Variants in OXNAD1 observed in about 807,000 individuals in gnomAD.
OXNAD1 encodes the protein oxidoreductase NAD-binding domain-containing protein 1.
A neutral mutation model predicts 32.9 loss-of-function variants in OXNAD1; 34 were observed. The ratio of observed to expected loss-of-function variants is 1.03; its 90% CI spans 0.79 to 1.38. OXNAD1 has a LOEUF of 1.38. Among genes scored for constraint, OXNAD1 ranks in the 40% most tolerant of loss-of-function variants. OXNAD1 has a pLI of 0.00. For missense variants in OXNAD1, 407 were observed against 379.4 expected, an observed-to-expected ratio of 1.07 and a Z score of -0.60; for synonymous variants, 134 against 135.2, an observed-to-expected ratio of 0.99 and a Z score of 0.06.
chr3:16,283,275 T>C (rs1353009497), intron 4 of OXNAD1, among the ~76,000 whole-genome samples: 2 of 152,170 alleles, frequency 1.3e-5, no homozygotes, highest in Non-Finnish European at 2.9e-5. Context: ...GCTCAATAAG[T>C]GTTCGTGGAA....
At chr3:16,328,307 G>A (rs983299276) in intron 9 of OXNAD1, among the ~76,000 whole-genome samples, 8 of 152,204 alleles carry the variant, frequency 5.3e-5, no homozygotes, top group African/African-American at 1.4e-4. Flanking sequence ...CAGAGGCAGC[G>A]CGCGTGACCA....
rs550514462 is a variant in OXNAD1 at position 16,334,777 on chromosome 3, G to A, written c.*31-2335G>A. ...GCCTGTGAAAATGTTCCCTTCGCAT[G>A]GTAAAGGGATGTGGCAGATATGATT... On this transcript the variant is annotated intron_variant, in intron 9 of 9. Transcript: ENST00000435829. This position sits in a 1 kb window ranked among gnomAD's most constrained non-coding sequence, Gnocchi z 4.3. Among the ~76,000 whole-genome samples the A allele has an allele frequency of 7.2e-5, 11 of 152,324 alleles. No homozygotes were observed. Among genetic ancestry groups the A allele is most frequent in the Non-Finnish European group, 1.5e-4 (10 of 68,030 alleles).
chr3:16,299,827 GT>G lies in OXNAD1; in HGVS notation c.433-1793del, dbSNP rs1342984143. ...ACAAGTTTCTTTATTCCTAGAATCTGTTTTTTAGTGACAGGGAAGAAGGAAG... is the reference window on the plus strand; with the variant it reads ...ACAAGTTTCTTTATTCCTAGAATCTGTTTTTAGTGACAGGGAAGAAGGAAG... On this transcript the variant is annotated intron_variant, in intron 6 of 8. Transcript: ENST00000285083. This position sits in a 1 kb window ranked among gnomAD's most constrained non-coding sequence, Gnocchi z 4.4. Among the ~76,000 whole-genome samples the G allele has an allele frequency of 6.6e-6, 1 of 152,182 alleles. No individual in the cohort carries two copies. The highest frequency in any genetic ancestry group is 1.5e-5 in the Non-Finnish European group (1 of 68,022).
At chr3:16,324,603 A>C (rs2069470543) in intron 9 of OXNAD1, among the ~76,000 whole-genome samples, 1 of 127,410 alleles carries the variant, frequency 7.8e-6, no homozygotes, top group Non-Finnish European at 1.6e-5. Context: ...TAAATAACAG[A>C]ATGTCCCTGA....
At position 16,301,187 on chromosome 3, in the gene OXNAD1, C is replaced by T. The variant is rs1575146876; in HGVS notation, c.433-439C>T. 2.6e-5 allele frequency among the ~76,000 whole-genome samples: 4 copies of T among 152,188 alleles called. No homozygotes were observed. In the East Asian group the frequency reaches 7.7e-4, roughly 29 times the overall value. On this transcript the variant is annotated intron_variant, in intron 6 of 8. Coordinates refer to ENST00000285083, the MANE Select transcript of OXNAD1 (RefSeq NM_138381.5). This position sits in a 1 kb window ranked among gnomAD's most constrained non-coding sequence, Gnocchi z 4.1. ...AGCACCAGTACTTACACTTTTCAGC[C>T]TTGATGAACCCAGGGCAGGCAGTCT... is the stretch of plus-strand genomic sequence containing the variant.
At position 16,345,786 on chromosome 3, in the gene OXNAD1, C is replaced by CTGTG. The variant is rs1553726059; in HGVS notation, c.*31-3389_*31-3388insGTGT. Among the ~76,000 whole-genome samples the CTGTG allele has an allele frequency of 2.9e-4, 24 of 81,626 alleles. No homozygotes were observed. Among genetic ancestry groups the CTGTG allele is most frequent in the African/African-American group, 1.2e-3 (22 of 18,562 alleles). The allele number at this position is 81,626 out of a possible 152,430, so 53.5% of individuals were successfully genotyped here. ...CATGAGCCAAAACCTTATAATAAAT[C>CTGTG]TCTGTGTGTGTGTGTGTGTGTGTGT... On this transcript the variant is annotated intron_variant, in intron 9 of 9. Coordinates refer to the OXNAD1 transcript ENST00000606098. This position sits in a 1 kb window ranked among gnomAD's most constrained non-coding sequence, Gnocchi z 5.2.
chr3:16,340,366 GT>G (rs2071239367), downstream of OXNAD1, among the ~76,000 whole-genome samples: 1 of 152,214 alleles, frequency 6.6e-6, no homozygotes, highest in African/African-American at 2.4e-5. Flanking sequence ...CTTACTGAAT[GT>G]TAAGATACAC....
At chr3:16,315,290 A>G (rs922297325) in intron 9 of OXNAD1, among the ~76,000 whole-genome samples, 5 of 152,002 alleles carry the variant, frequency 3.3e-5, no homozygotes, top group African/African-American at 9.7e-5. Context: ...TAATTTTTGT[A>G]TTTTTAGTAG....
rs1559843974 is a variant in OXNAD1 at position 16,345,855 on chromosome 3, T to TGCGC, written c.*31-3321_*31-3320insGCGC. Among the ~76,000 whole-genome samples, 21 of 61,732 alleles carry TGCGC rather than the reference T, an allele frequency of 3.4e-4. No individual in the cohort carries two copies. The highest frequency in any genetic ancestry group is 7.1e-4 in the Admixed American group (5 of 7,024). The allele number at this position is 61,732 out of a possible 152,430, so 40.5% of individuals were successfully genotyped here. On this transcript the variant is annotated intron_variant, in intron 9 of 9. Transcript: ENST00000606098. The surrounding 1 kb of genome is among the most constrained non-coding windows in gnomAD (Gnocchi z 5.2). Reference sequence around the variant, plus strand: ...GCGCGCACGCGCACATGTGCATGTGTATGTGTATAATCTCCTACTGGTTCT... The same window carrying TGCGC: ...GCGCGCACGCGCACATGTGCATGTGTGCGCATGTGTATAATCTCCTACTGGTTCT...
In OXNAD1 at chr3:16,312,402, C is replaced by T. The variant is rs2068038289; in HGVS notation, c.*30+8810C>T. ...TTGGCCTCCAGCACTTCCAGCAGGG[C>T]TCTTGGAAACAAGATCTGTGGCAAC... is the stretch of plus-strand genomic sequence containing the variant. On this transcript the variant is annotated intron_variant, in intron 9 of 9. Transcript: ENST00000435829. The surrounding 1 kb of genome is among the most constrained non-coding windows in gnomAD (Gnocchi z 4.7). Among the ~76,000 whole-genome samples, 1 of 152,228 alleles carries T rather than the reference C, an allele frequency of 6.6e-6. No individual in the cohort carries two copies. The highest frequency in any genetic ancestry group is 1.5e-5 in the Non-Finnish European group (1 of 68,040).
intron 1 of OXNAD1, among the ~76,000 whole-genome samples, chr3:16,267,517 G>A (rs2064613957): frequency 1.3e-5 from 1 of 78,894 alleles, no homozygotes; most frequent in African/African-American, 8.3e-5. Flanking sequence ...GCTTATTTCT[G>A]TGTTGGACCT....
At chr3:16,347,694 T>A (rs1252933191) in intron 9 of OXNAD1, 3 of 152,256 alleles carry the variant, frequency 2.0e-5, no homozygotes, top group African/African-American at 7.2e-5. Flanking sequence ...AACTAGGGAA[T>A]TGAGGGTCAG....
chr3:16,341,553 C>T (rs2071319517), downstream of OXNAD1, among the ~76,000 whole-genome samples: 3 of 152,154 alleles, frequency 2.0e-5, no homozygotes, highest in South Asian at 6.2e-4. The surrounding 1 kb of genome is among the most constrained non-coding windows in gnomAD (Gnocchi z 4.7). Flanking sequence ...AGGCTACATA[C>T]TGTATGGGAA....
rs910075463 is a variant in OXNAD1, at chr3:16,289,834, G to C, written c.290+3386G>C. 6.6e-6 allele frequency among the ~76,000 whole-genome samples: 1 copy of C among 152,156 alleles called. No individual in the cohort carries two copies. Among genetic ancestry groups the C allele is most frequent in the African/African-American group, 2.4e-5 (1 of 41,402 alleles). ...TCCTTCCTCTGCCTTGCCTCGCTAC[G>C]CTAAGCAGATTTTATCATTGCCCAT... On this transcript the variant is annotated intron_variant, in intron 5 of 8. Coordinates refer to ENST00000285083, the MANE Select transcript of OXNAD1 (RefSeq NM_138381.5). This position sits in a 1 kb window ranked among gnomAD's most constrained non-coding sequence, Gnocchi z 4.9.
At chr3:16,273,579 TG>T (rs2065114316) in intron 4 of OXNAD1, among the ~76,000 whole-genome samples, 1 of 152,116 alleles carries the variant, frequency 6.6e-6, no homozygotes, top group Non-Finnish European at 1.5e-5. Flanking sequence ...TTTGTAAAGA[TG>T]GTCTTGCTGT....
At chr3:16,323,971 C>T (rs569122882) in intron 9 of OXNAD1, among the ~76,000 whole-genome samples, 2 of 152,328 alleles carry the variant, frequency 1.3e-5, no homozygotes, top group Admixed American at 1.3e-4. Flanking sequence ...AAGGCAGTGC[C>T]TGTTAACCAG....
chr3:16,318,659 G>A (rs980062365), intron 9 of OXNAD1, among the ~76,000 whole-genome samples: 1 of 152,214 alleles, frequency 6.6e-6, no homozygotes, highest in African/African-American at 2.4e-5. Flanking sequence ...GTAATGGAAT[G>A]TTCCATTAAA....
At chr3:16,286,665 G>T (rs533448627) in intron 5 of OXNAD1, among the ~76,000 whole-genome samples, 4 of 152,168 alleles carry the variant, frequency 2.6e-5, no homozygotes, top group African/African-American at 9.7e-5. Flanking sequence ...TCCCTCAGTC[G>T]TATATGAAAA....
At chr3:16,278,938 GCTAA>G (rs1256592715) in intron 4 of OXNAD1, among the ~76,000 whole-genome samples, 3 of 152,180 alleles carry the variant, frequency 2.0e-5, no homozygotes, top group Non-Finnish European at 2.9e-5. Flanking sequence ...ATGTCCCAAG[GCTAA>G]CTTTTACAAT....
Sources: allele counts gnomAD v4.1 joint callset (sites outside exome capture counted in the v4.1 genomes callset), GRCh38; gene constraint gnomAD v4.1.1; non-coding constraint Gnocchi (gnomAD v3.1); transcripts MANE v1.5; gene names NCBI Gene and HGNC (gene_info 2026-07-23, HGNC 2026-07-21).